The following GRIK2 variants were observed in gnomAD, a reference collection of about 807,000 sequenced individuals.
The protein encoded by GRIK2 is glutamate receptor ionotropic, kainate 2.
Under a neutral mutation model 100.3 loss-of-function variants are expected in GRIK2, and 32 were observed. The observed-to-expected ratio is 0.32, with a 90% CI of 0.24 to 0.43. The LOEUF (loss-of-function observed/expected upper bound fraction) is 0.43, where lower values mean the gene tolerates loss of function less well. Among genes scored for constraint, GRIK2 ranks in the 20% least tolerant of loss-of-function variants. The pLI is 1.00. For synonymous variants in GRIK2, 417 were observed against 389.4 expected (o/e 1.07, Z -0.83); for missense variants, 843 against 1,114.9 (o/e 0.76, Z 3.47).
chr6:101,566,623 G>C (rs555439100), intron 2 of GRIK2, among the ~76,000 whole-genome samples: 5 of 151,466 alleles, frequency 3.3e-5, no homozygotes, highest in Non-Finnish European at 7.4e-5. Context: ...TATTCATCCA[G>C]TCTAAAAATG....
At chr6:101,951,251 C>G (rs897190460) in intron 14 of GRIK2, among the ~76,000 whole-genome samples, 1 of 152,042 alleles carries the variant, frequency 6.6e-6, no homozygotes, top group Admixed American at 6.6e-5. Flanking sequence ...GTGAAGAAAT[C>G]CTGTATTTTC....
At chr6:102,011,120 C>A (rs552144043) in intron 14 of GRIK2, among the ~76,000 whole-genome samples, 2 of 152,266 alleles carry the variant, frequency 1.3e-5, no homozygotes, top group Admixed American at 1.3e-4. Flanking sequence ...AAGCTGCCTG[C>A]TAAAGTGTCT....
chr6:101,574,081 A>G (rs1777681475), intron 2 of GRIK2, among the ~76,000 whole-genome samples: 1 of 151,446 alleles, frequency 6.6e-6, no homozygotes, highest in Non-Finnish European at 1.5e-5. Flanking sequence ...TCTTGATTGT[A>G]TTTTCTATTG....
At chr6:101,568,398 T>C (rs536783974) in intron 2 of GRIK2, among the ~76,000 whole-genome samples, 1 of 152,074 alleles carries the variant, frequency 6.6e-6, no homozygotes, top group South Asian at 2.1e-4. Context: ...ATCTGATGAG[T>C]GAGAAATGCA....
intron 14 of GRIK2, among the ~76,000 whole-genome samples, chr6:101,963,443 G>T (rs1046001777): frequency 5.5e-5 from 8 of 146,350 alleles, no homozygotes; most frequent in Non-Finnish European, 1.2e-4. Context: ...GACTACAGGC[G>T]CCTGCCACAG....
chr6:101,970,298 T>G (rs1259222714), intron 14 of GRIK2, among the ~76,000 whole-genome samples: 1 of 151,918 alleles, frequency 6.6e-6, no homozygotes, highest in Non-Finnish European at 1.5e-5. Context: ...GCCCCAAAAT[T>G]TGGGCTTGGC....
chr6:101,931,091 G>C (rs951453845), intron 14 of GRIK2, among the ~76,000 whole-genome samples: 1 of 151,956 alleles, frequency 6.6e-6, no homozygotes, highest in African/African-American at 2.4e-5. Flanking sequence ...ATTAAATGTT[G>C]ATATTTTTGG....
intron 14 of GRIK2, among the ~76,000 whole-genome samples, chr6:101,955,577 TC>T (rs1339284368): frequency 2.0e-3 from 8 of 3,968 alleles, no homozygotes; most frequent in African/African-American, 5.5e-3. Context: ...AGCAAGGCCT[TC>T]TCTCTCTCTC....
intron 4 of GRIK2, among the ~76,000 whole-genome samples, chr6:101,656,314 A>G (rs1769170406): frequency 6.6e-6 from 1 of 151,526 alleles, no homozygotes; most frequent in Non-Finnish European, 1.5e-5. Flanking sequence ...AAAAAAAAAA[A>G]AAGAAAAAAG....
chr6:101,795,076 A>T (rs777916596), intron 7 of GRIK2, among the ~76,000 whole-genome samples: 11 of 152,042 alleles, frequency 7.2e-5, no homozygotes, highest in Non-Finnish European at 1.3e-4. Flanking sequence ...CATGTTGTTT[A>T]GGCTGGCCTC....
At chr6:101,594,012 A>G (rs1778795578) in intron 2 of GRIK2, among the ~76,000 whole-genome samples, 1 of 151,946 alleles carries the variant, frequency 6.6e-6, no homozygotes, top group African/African-American at 2.4e-5. Flanking sequence ...AAAATGTATT[A>G]TGAAATGTCA....
At chr6:101,881,834 C>T (rs1786269668) in intron 11 of GRIK2, among the ~76,000 whole-genome samples, 1 of 152,028 alleles carries the variant, frequency 6.6e-6, no homozygotes, top group South Asian at 2.1e-4. Context: ...CCCTGGGTGA[C>T]AGAGCAAGAC....
chr6:101,992,555 A>T (rs1312469775), intron 14 of GRIK2, among the ~76,000 whole-genome samples: 1 of 151,638 alleles, frequency 6.6e-6, no homozygotes, highest in Non-Finnish European at 1.5e-5. Flanking sequence ...GGTCAAACCA[A>T]CCGAGGTCAA....
chr6:101,467,264 C>T (rs1325396863), intron 2 of GRIK2, among the ~76,000 whole-genome samples: 2 of 152,058 alleles, frequency 1.3e-5, no homozygotes, highest in South Asian at 2.1e-4. Flanking sequence ...GAGAAAAAGC[C>T]AAGAATTCAT....
chr6:101,528,801 T>G (rs1775278952), intron 2 of GRIK2, among the ~76,000 whole-genome samples: 1 of 152,210 alleles, frequency 6.6e-6, no homozygotes, highest in African/African-American at 2.4e-5. Context: ...AAACCATAAC[T>G]CATTTTGTCC....
At chr6:101,531,420 TGAAAAA>T (rs1367074276) in intron 2 of GRIK2, among the ~76,000 whole-genome samples, 1 of 151,902 alleles carries the variant, frequency 6.6e-6, no homozygotes, top group East Asian at 1.9e-4. Context: ...AATGAATAAA[TGAAAAA>T]GAAAAGTGAC....
intron 12 of GRIK2, among the ~76,000 whole-genome samples, chr6:101,907,800 T>C (rs931964012): frequency 1.4e-4 from 21 of 151,722 alleles, no homozygotes; most frequent in Admixed American, 4.0e-4. Flanking sequence ...ACATAAACTT[T>C]AGAGTTCTAT....
At chr6:101,417,885 C>T (rs2128239514) in intron 2 of GRIK2, among the ~76,000 whole-genome samples, 1 of 152,296 alleles carries the variant, frequency 6.6e-6, no homozygotes, top group South Asian at 2.1e-4. Context: ...GAAATAAAGT[C>T]CTTGCATGTA....
chr6:101,640,603 G>A (rs1269053107), intron 4 of GRIK2, among the ~76,000 whole-genome samples: 1 of 152,102 alleles, frequency 6.6e-6, no homozygotes, highest in Admixed American at 6.6e-5. Context: ...GAAGGGGGAT[G>A]ATTTTTACTA....
Sources: gnomAD v4.1 joint callset for allele counts (sites outside exome capture counted in the v4.1 genomes callset) on GRCh38, gnomAD v4.1.1 for gene constraint, MANE v1.5 for transcripts, NCBI Gene and HGNC (gene_info 2026-07-23, HGNC 2026-07-21) for gene names.